Variants in FRMD6 observed in about 807,000 individuals in gnomAD.
FRMD6 encodes the protein FERM domain-containing protein 6.
A neutral mutation model predicts 73.2 loss-of-function variants in FRMD6; 37 were observed. That is an observed-to-expected ratio of 0.51 (90% CI 0.39 to 0.66). The LOEUF (loss-of-function observed/expected upper bound fraction) is 0.66, where lower values mean the gene tolerates loss of function less well. FRMD6 is among the 30% of genes least tolerant of loss of function. The pLI is 0.00. For missense variants in FRMD6, 714 were observed against 780.5 expected, an observed-to-expected ratio of 0.91 and a Z score of 1.02; for synonymous variants, 273 against 282.2, an observed-to-expected ratio of 0.97 and a Z score of 0.33.
chr14:51,529,981 A>G (rs1209539917), intron 1 of FRMD6, among the ~76,000 whole-genome samples: 2 of 152,224 alleles, frequency 1.3e-5, no homozygotes, highest in African/African-American at 4.8e-5. Context: ...TACAGGCAAT[A>G]ATGCCTGCAA....
At chr14:51,567,823 A>T (rs1887859417) in intron 1 of FRMD6, among the ~76,000 whole-genome samples, 1 of 152,184 alleles carries the variant, frequency 6.6e-6, no homozygotes. Context: ...TTCAGACTTG[A>T]TCATAAGCAC....
chr14:51,508,702 C>A (rs1210630710), intron 1 of FRMD6, among the ~76,000 whole-genome samples: 5 of 152,224 alleles, frequency 3.3e-5, no homozygotes, highest in Admixed American at 3.3e-4. Flanking sequence ...GAGCACTCCC[C>A]TCTCTTCACA....
the FRMD6 span, among the ~76,000 whole-genome samples, chr14:51,460,193 C>T: frequency 6.6e-6 from 1 of 152,058 alleles, no homozygotes; most frequent in Non-Finnish European, 1.5e-5. Context: ...GAAACAGGGC[C>T]TTGTATTAGA....
At chr14:51,557,192 T>G (rs578063806) in intron 1 of FRMD6, among the ~76,000 whole-genome samples, 3 of 151,816 alleles carry the variant, frequency 2.0e-5, no homozygotes, top group African/African-American at 7.3e-5. Context: ...TTATCCACAA[T>G]AGCCAAGATA....
At chr14:51,658,254 A>G (rs973791293) in intron 1 of FRMD6, among the ~76,000 whole-genome samples, 6 of 152,170 alleles carry the variant, frequency 3.9e-5, no homozygotes, top group Admixed American at 1.3e-4. Context: ...AATGAGGCAG[A>G]ATTTTTCTTC....
intron 1 of FRMD6, among the ~76,000 whole-genome samples, chr14:51,552,528 T>C (rs1029344026): frequency 2.0e-5 from 3 of 152,184 alleles, no homozygotes; most frequent in East Asian, 3.9e-4. Context: ...TCTGCAAAAC[T>C]GGAGTGCGAT....
At chr14:51,402,880 C>T in the FRMD6 span, among the ~76,000 whole-genome samples, 10 of 152,222 alleles carry the variant, frequency 6.6e-5, no homozygotes, top group Non-Finnish European at 8.8e-5. Flanking sequence ...CCTCATGATT[C>T]GTCCACCTCA....
At chr14:51,545,494 A>G (rs1886418082) in intron 1 of FRMD6, among the ~76,000 whole-genome samples, 1 of 152,088 alleles carries the variant, frequency 6.6e-6, no homozygotes. Context: ...AATTTTGCAA[A>G]CTAGTATTTA....
At chr14:51,525,308 A>G (rs928697217) in intron 1 of FRMD6, among the ~76,000 whole-genome samples, 4 of 151,654 alleles carry the variant, frequency 2.6e-5, no homozygotes, top group Non-Finnish European at 4.4e-5. Context: ...TGCTCTTGTC[A>G]CCCGGGCTGG....
At chr14:51,499,127 TCA>T (rs1883462390) in intron 1 of FRMD6, among the ~76,000 whole-genome samples, 1 of 152,228 alleles carries the variant, frequency 6.6e-6, no homozygotes, top group Non-Finnish European at 1.5e-5. Flanking sequence ...CAGAGAGACC[TCA>T]CAGGATCCCT....
chr14:51,451,846 C>A, the FRMD6 span, among the ~76,000 whole-genome samples: 5 of 152,226 alleles, frequency 3.3e-5, no homozygotes, highest in African/African-American at 1.2e-4. Context: ...TTTTCCCGTA[C>A]AACCTGCAGA....
chr14:51,446,471 C>T, the FRMD6 span, among the ~76,000 whole-genome samples: 2 of 151,778 alleles, frequency 1.3e-5, no homozygotes, highest in African/African-American at 4.8e-5. Flanking sequence ...CACACACACA[C>T]GGAAGTTGAG....
At chr14:51,500,171 A>G (rs544133557) in intron 1 of FRMD6, among the ~76,000 whole-genome samples, 1 of 152,336 alleles carries the variant, frequency 6.6e-6, no homozygotes, top group African/African-American at 2.4e-5. Context: ...TGGCAGTTAC[A>G]TATTTTGGGA....
chr14:51,524,706 G>T (rs1342257663), intron 1 of FRMD6, among the ~76,000 whole-genome samples: 1 of 152,160 alleles, frequency 6.6e-6, no homozygotes, highest in East Asian at 1.9e-4. Context: ...AAGGGAAAGT[G>T]ATGACATACA....
chr14:51,490,907 G>A (rs1048933446), intron 1 of FRMD6, among the ~76,000 whole-genome samples: 4 of 152,200 alleles, frequency 2.6e-5, no homozygotes, highest in African/African-American at 9.7e-5. Context: ...CAAGAATAGT[G>A]AGAGCACTGC....
At chr14:51,663,540 T>C (rs908412657) in intron 1 of FRMD6, among the ~76,000 whole-genome samples, 4 of 152,114 alleles carry the variant, frequency 2.6e-5, no homozygotes, top group African/African-American at 7.2e-5. Flanking sequence ...TTCTCACTTA[T>C]GTGGGAGCTT....
At chr14:51,442,110 A>G in the FRMD6 span, among the ~76,000 whole-genome samples, 1 of 152,314 alleles carries the variant, frequency 6.6e-6, no homozygotes, top group Admixed American at 6.5e-5. Flanking sequence ...TTATTCTGTG[A>G]AGCACATTAA....
intron 2 of FRMD6, chr14:51,692,860 T>C (rs1001440610): frequency 6.6e-6 from 1 of 151,994 alleles, no homozygotes; most frequent in African/African-American, 2.4e-5. Context: ...ATGTAGTGAG[T>C]CTGAGGCAGG....
the FRMD6 span, among the ~76,000 whole-genome samples, chr14:51,401,359 T>C: frequency 6.6e-6 from 1 of 152,234 alleles, no homozygotes; most frequent in Non-Finnish European, 1.5e-5. Context: ...GAGCCAAATA[T>C]GCAAGATTAA....
Sources: gnomAD v4.1 joint callset for allele counts (sites outside exome capture counted in the v4.1 genomes callset) on GRCh38, gnomAD v4.1.1 for gene constraint, MANE v1.5 for transcripts, NCBI Gene and HGNC (gene_info 2026-07-23, HGNC 2026-07-21) for gene names.